Variants in MTMR10 observed in about 807,000 individuals in gnomAD.
The protein encoded by MTMR10 is myotubularin-related protein 10.
MTMR10 carries 56 observed loss-of-function variants against 88.1 expected under a neutral mutation model. The ratio of observed to expected loss-of-function variants is 0.64; its 90% CI spans 0.51 to 0.79. The LOEUF is 0.79. Among genes scored for constraint, MTMR10 ranks in the 30% least tolerant of loss-of-function variants. The pLI is 0.00. For synonymous variants in MTMR10, 380 were observed against 340.9 expected, an observed-to-expected ratio of 1.11 and a Z score of -1.26; for missense variants, 883 against 924.7, an observed-to-expected ratio of 0.95 and a Z score of 0.58.
intron 9 of MTMR10, among the ~76,000 whole-genome samples, chr15:30,957,053 A>AC (rs2063337224): frequency 6.6e-6 from 1 of 152,186 alleles, no homozygotes; most frequent in African/African-American, 2.4e-5. Context: ...TGGCTCTGTC[A>AC]GTTACGGTAC....
At position 30,976,822 on chromosome 15, in the gene MTMR10, T is replaced by C. The variant is rs2030188401; in HGVS notation, c.255A>G (p.Leu85=). ...ACAGTGTACTAATAAAACACACCTG[T>C]AATGGCATTGGGTCATCTGTAATAA... ...ISFITDDPMP[L]QKFHYRNLLL... The change falls in exon 3 of 16, where the codon TTA becomes TTG. Residue 85 remains leucine (L), a synonymous_variant. Coordinates refer to ENST00000435680, the MANE Select transcript of MTMR10 (RefSeq NM_017762.3). 11 of 1,613,036 alleles carry C rather than the reference T, an allele frequency of 6.8e-6. No homozygotes were observed. Among genetic ancestry groups the C allele is most frequent in the East Asian group, 2.2e-5 (1 of 44,860 alleles).
In MTMR10 at chr15:30,940,635, C is replaced by T. The variant is rs1439808898; in HGVS notation, c.*835G>A. ...GCACTCTCCTGTCTACAGCATACAC[C>T]TCTGTGGAATCAGCACCCCAGAGGC... On this transcript the variant is annotated 3_prime_UTR_variant, in exon 16 of 16. Coordinates refer to ENST00000435680, the MANE Select transcript of MTMR10 (RefSeq NM_017762.3). The T allele has an allele frequency of 2.0e-6, 2 of 986,008 alleles. No individual in the cohort carries two copies. The highest frequency in any genetic ancestry group is 6.1e-5 in the Admixed American group (1 of 16,304). The allele number at this position is 986,008 out of a possible 1,614,324, so 61.1% of individuals were successfully genotyped here. A position where few individuals can be genotyped will look rare whatever the true frequency, so the allele number is the denominator to read the frequency against.
intron 2 of MTMR10, among the ~76,000 whole-genome samples, chr15:30,981,781 G>C (rs144870583): frequency 4.6e-5 from 7 of 152,160 alleles, no homozygotes; most frequent in African/African-American, 1.7e-4. Flanking sequence ...TGTATTATTT[G>C]AGGCAAAATA....
At chr15:30,988,987 CAAAAA>C (rs71420538) in intron 2 of MTMR10, among the ~76,000 whole-genome samples, 1 of 85,894 alleles carries the variant, frequency 1.2e-5, no homozygotes, top group African/African-American at 3.7e-5. Context: ...GACTCTGTCT[CAAAAA>C]AAAAAAAAAA....
the MTMR10 span, chr15:30,926,045 C>T: frequency 3.5e-6 from 4 of 1,157,460 alleles, no homozygotes; most frequent in African/African-American, 4.5e-5. Flanking sequence ...GTCCTCTGCT[C>T]ACAGTGGAAG....
the MTMR10 span, chr15:30,930,577 G>T: frequency 5.0e-6 from 8 of 1,611,786 alleles, no homozygotes; most frequent in Non-Finnish European, 5.9e-6. Flanking sequence ...CCTGTGCTCA[G>T]TGGTGTGTGC....
At chr15:30,988,089 T>G (rs1236324844) in intron 2 of MTMR10, among the ~76,000 whole-genome samples, 4 of 152,186 alleles carry the variant, frequency 2.6e-5, no homozygotes, top group African/African-American at 9.7e-5. Flanking sequence ...TCGGTAACTT[T>G]CCACTTGTCT....
At chr15:30,944,527 C>T (rs1246293802) in intron 14 of MTMR10, among the ~76,000 whole-genome samples, 3 of 149,190 alleles carry the variant, frequency 2.0e-5, no homozygotes, top group Non-Finnish European at 4.4e-5. Flanking sequence ...GATCATGCCA[C>T]TGTGCTCCAG....
chr15:30,954,926 C>G (rs763026161), intron 9 of MTMR10, 33 bp from the exon 10 acceptor site: 228 of 1,502,830 alleles, frequency 1.5e-4, no homozygotes, highest in Non-Finnish European at 2.0e-4. Context: ...AGTCATTACT[C>G]ATTCATTTCA....
chr15:30,932,081 G>A, the MTMR10 span, among the ~76,000 whole-genome samples: 3 of 151,888 alleles, frequency 2.0e-5, no homozygotes, highest in Non-Finnish European at 2.9e-5. Flanking sequence ...AATTAGCCGG[G>A]TGTGGTGGCG....
the MTMR10 span, chr15:30,928,696 A>G: frequency 1.2e-6 from 2 of 1,612,780 alleles, no homozygotes; most frequent in Non-Finnish European, 1.7e-6. Flanking sequence ...GTCCTTCTGC[A>G]CACATCCGTG....
At chr15:30,955,489 C>G (rs1415079158) in intron 9 of MTMR10, among the ~76,000 whole-genome samples, 2 of 152,172 alleles carry the variant, frequency 1.3e-5, no homozygotes, top group Non-Finnish European at 2.9e-5. Context: ...CCAGGCTGGT[C>G]TCAAACTCCT....
Position 30,967,014 on chromosome 15 carries a change from A to T in MTMR10, c.565+906T>A, listed in dbSNP as rs143043844. Among the ~76,000 whole-genome samples, 748 of 152,254 alleles carry T rather than the reference A, an allele frequency of 4.9e-3. 6 individuals carry two copies. The highest frequency in any genetic ancestry group is 0.017 in the African/African-American group (707 of 41,568). ...AGTGTTGCTGGAATATACTTTTATT[A>T]TGCCAGTTATTTAAATTACTACCAT... On this transcript the variant is annotated intron_variant, in intron 6 of 15. Coordinates refer to ENST00000435680, the MANE Select transcript of MTMR10 (RefSeq NM_017762.3).
At chr15:30,928,592 GCCT>G in the MTMR10 span, 2 of 1,611,272 alleles carry the variant, frequency 1.2e-6, no homozygotes, top group Non-Finnish European at 1.7e-6. Flanking sequence ...ACCCTGTATG[GCCT>G]CCTCCTGTGG....
At position 30,951,962 on chromosome 15, in the gene MTMR10, A is replaced by AAGT; in HGVS notation, c.1207+5_1207+6insACT. The AAGT allele has an allele frequency of 6.2e-7, 1 of 1,611,046 alleles. No individual in the cohort carries two copies. Among genetic ancestry groups the AAGT allele is most frequent in the South Asian group, 1.1e-5 (1 of 91,012 alleles). ...TCATGGTGCTTTCAGGAGTTACTTT[A>AAGT]GTTACCTTGTAGGACTACAGAGAGA... On this transcript the variant is annotated splice_donor_region_variant and intron_variant, in intron 12 of 15. Coordinates refer to ENST00000435680, the MANE Select transcript of MTMR10 (RefSeq NM_017762.3).
intron 14 of MTMR10, chr15:30,944,113 G>C (rs1235698179): frequency 1.4e-6 from 1 of 717,306 alleles, no homozygotes. Flanking sequence ...AGGAGGCCAT[G>C]ACTACATCAC....
At chr15:30,982,163 TCA>T (rs751944517) in intron 2 of MTMR10, among the ~76,000 whole-genome samples, 1 of 151,972 alleles carries the variant, frequency 6.6e-6, no homozygotes, top group Non-Finnish European at 1.5e-5. Flanking sequence ...GAAAAAGCTG[TCA>T]CAGACTGAGA....
intron 2 of MTMR10, among the ~76,000 whole-genome samples, chr15:30,978,981 A>G (rs1386431824): frequency 1.3e-5 from 2 of 152,098 alleles, no homozygotes; most frequent in African/African-American, 2.4e-5. Flanking sequence ...AAACCTCACC[A>G]ATTCCCATAT....
chr15:30,919,521 T>C, the MTMR10 span, among the ~76,000 whole-genome samples: 2 of 151,218 alleles, frequency 1.3e-5, no homozygotes, highest in African/African-American at 4.9e-5. Flanking sequence ...TGAAACCTCG[T>C]CTCTACTAAA....
Sources: gnomAD v4.1 joint callset for allele counts (sites outside exome capture counted in the v4.1 genomes callset) on GRCh38, gnomAD v4.1.1 for gene constraint, MANE v1.5 for transcripts, NCBI Gene and HGNC (gene_info 2026-07-23, HGNC 2026-07-21) for gene names.